REPS1: variants seen among roughly 807,000 people sequenced by gnomAD.
REPS1 encodes ralBP1-associated Eps domain-containing protein 1.
Under a neutral mutation model 100.9 loss-of-function variants are expected in REPS1, and 39 were observed. The observed-to-expected ratio is 0.39, with a 90% CI of 0.30 to 0.50. The LOEUF is 0.50. Among genes scored for constraint, REPS1 ranks in the 20% least tolerant of loss-of-function variants. The pLI is 0.86. For synonymous variants in REPS1, 324 were observed against 340.3 expected (o/e 0.95, Z 0.53); for missense variants, 821 against 968.5 (o/e 0.85, Z 2.02).
intron 1 of REPS1, among the ~76,000 whole-genome samples, chr6:138,978,847 C>A (rs1352069057): frequency 6.6e-6 from 1 of 152,182 alleles, no homozygotes; most frequent in Non-Finnish European, 1.5e-5. Flanking sequence ...TATATTCCTA[C>A]TTGCGTCTGT....
rs374980867 is a variant in REPS1 at position 138,904,935 on chromosome 6, T to C, written c.*129A>G. The C allele has an allele frequency of 1.5e-4, 102 of 692,236 alleles. No individual in the cohort carries two copies. The highest frequency in any genetic ancestry group is 9.8e-4 in the East Asian group (35 of 35,642). 42.9% of individuals were successfully genotyped at this position (692,236 alleles called of 1,614,324 possible). ...AGATACTTAAATACAACGGTGAACA[T>C]ATAGGGCAAAACAGAATCATAAAAT... is the stretch of plus-strand genomic sequence containing the variant. On this transcript the variant is annotated 3_prime_UTR_variant, in exon 20 of 20. Coordinates refer to ENST00000450536, the MANE Select transcript of REPS1 (RefSeq NM_001286611.2).
intron 1 of REPS1, among the ~76,000 whole-genome samples, chr6:138,984,613 T>C (rs1194735698): frequency 1.3e-5 from 2 of 152,184 alleles, no homozygotes; most frequent in Non-Finnish European, 2.9e-5. Context: ...CTCTTCCCCA[T>C]TGTCACCTTC....
intron 18 of REPS1, 41 bp downstream of exon 18, chr6:138,908,627 C>G (rs781499751): frequency 6.2e-7 from 1 of 1,604,806 alleles, no homozygotes; most frequent in South Asian, 1.1e-5. Flanking sequence ...CGTGCTTTTT[C>G]TTCCTAGTAA....
chr6:138,920,920 T>C lies in REPS1; in HGVS notation c.1426+117A>G, dbSNP rs1250122471. ...TAAATATGCATGAACATATACATAA[T>C]TGTAGAAAGTACTAGCTTAAAAAAT... On this transcript the variant is annotated intron_variant, in intron 11 of 19. Coordinates refer to ENST00000450536, the MANE Select transcript of REPS1 (RefSeq NM_001286611.2). The C allele has an allele frequency of 1.3e-5, 9 of 704,304 alleles. No homozygotes were observed. The Admixed American group carries it at 1.7e-4, about 13-fold the overall frequency. 43.6% of individuals were successfully genotyped at this position (704,304 alleles called of 1,614,324 possible).
At chr6:138,917,455 T>G (rs567065912) in intron 13 of REPS1, 100 bp downstream of exon 13, 2 of 910,956 alleles carry the variant, frequency 2.2e-6, no homozygotes, top group Non-Finnish European at 3.5e-6. Context: ...ACCTAACAGC[T>G]TTCAGAGAAC....
intron 1 of REPS1, among the ~76,000 whole-genome samples, chr6:138,969,859 A>ATTTTTTTTTTTTTTT (rs56070030): frequency 2.1e-5 from 2 of 94,636 alleles, no homozygotes; most frequent in African/African-American, 8.6e-5. Context: ...GTGAATTGGG[A>ATTTTTTTTTTTTTTT]TTTTTTTTTT....
chr6:138,974,223 A>G (rs754681072), intron 1 of REPS1, among the ~76,000 whole-genome samples: 1 of 152,226 alleles, frequency 6.6e-6, no homozygotes, highest in Non-Finnish European at 1.5e-5. Context: ...ATGCCACAGG[A>G]TAACTAAACC....
At chr6:138,921,230 AT>A in intron 10 of REPS1, 106 bp from the exon 11 acceptor site, 1 of 681,124 alleles carries the variant, frequency 1.5e-6, no homozygotes, top group Non-Finnish European at 2.5e-6. Flanking sequence ...AGGCTTTCCC[AT>A]TTACACTAAG....
Position 138,912,773 on chromosome 6 carries a change from C to T in REPS1, c.1963G>A (p.Val655Ile). Residue 655 changes from valine (V) to isoleucine (I), a missense_variant, in exon 16 of 20, where the codon GTC becomes ATC. Coordinates refer to ENST00000450536, the MANE Select transcript of REPS1 (RefSeq NM_001286611.2). ...AGCCCTCGAAAACTGACCGGCAGGA[C>T]TTCTGGATGTTTCTCGGCTTCATCA... Reference protein sequence around the residue: ...QDDEAEKHPEVLPAEKASDPA... With the variant: ...QDDEAEKHPEILPAEKASDPA... 1 of 1,614,176 alleles carries T rather than the reference C, an allele frequency of 6.2e-7. No homozygotes were observed. The highest frequency in any genetic ancestry group is 1.7e-5 in the Admixed American group (1 of 60,022).
chr6:138,913,009 G>A, intron 15 of REPS1, 59 bp from the exon 16 acceptor site: 2 of 1,419,628 alleles, frequency 1.4e-6, no homozygotes, highest in Non-Finnish European at 1.9e-6. Context: ...GTGTCACAGA[G>A]TCATCTTCTT....
At chr6:138,954,388 A>C (rs1359569558) in intron 1 of REPS1, among the ~76,000 whole-genome samples, 5 of 152,112 alleles carry the variant, frequency 3.3e-5, no homozygotes, top group Admixed American at 2.6e-4. Context: ...TGATTTCATC[A>C]CTATACATTG....
chr6:138,954,090 GAAC>G (rs1475460908), intron 1 of REPS1, among the ~76,000 whole-genome samples: 1 of 151,184 alleles, frequency 6.6e-6, no homozygotes, highest in Non-Finnish European at 1.5e-5. Flanking sequence ...TAAAATCCAG[GAAC>G]AGAAAATTAA....
At chr6:138,939,708 T>C (rs1013732107) in intron 8 of REPS1, among the ~76,000 whole-genome samples, 3 of 152,220 alleles carry the variant, frequency 2.0e-5, no homozygotes, top group African/African-American at 7.2e-5. Flanking sequence ...AAGTGTGAAG[T>C]TACCACATGT....
chr6:138,947,542 T>A (rs1782720559), intron 2 of REPS1, among the ~76,000 whole-genome samples: 1 of 152,166 alleles, frequency 6.6e-6, no homozygotes, highest in Non-Finnish European at 1.5e-5. Context: ...TCTTAAAAAA[T>A]TGCCATTTGA....
At chr6:138,921,311 A>G (rs1216117101) in intron 10 of REPS1, among the ~76,000 whole-genome samples, 187 bp from the exon 11 acceptor site, 3 of 151,838 alleles carry the variant, frequency 2.0e-5, no homozygotes, top group Non-Finnish European at 4.4e-5. Context: ...CTCACTATAT[A>G]TGCCTAGTAT....
At chr6:138,947,035 G>T (rs1262001383) in intron 2 of REPS1, among the ~76,000 whole-genome samples, 12 of 137,638 alleles carry the variant, frequency 8.7e-5, no homozygotes, top group African/African-American at 3.1e-4. Context: ...ATTCCCCCTT[G>T]CTCTCTCTCT....
intron 9 of REPS1, chr6:138,927,475 A>T (rs1781209468): frequency 6.6e-6 from 1 of 152,192 alleles, no homozygotes; most frequent in Admixed American, 6.5e-5. Context: ...AGGAAAAAAC[A>T]TCTACACACA....
intron 1 of REPS1, among the ~76,000 whole-genome samples, chr6:138,961,300 G>A (rs948428637): frequency 1.3e-4 from 20 of 151,990 alleles, no homozygotes; most frequent in South Asian, 2.1e-4. Context: ...GCAGTGGCAC[G>A]ATCTCGGCTC....
At chr6:138,964,748 G>T (rs1042213897) in intron 1 of REPS1, among the ~76,000 whole-genome samples, 1 of 151,428 alleles carries the variant, frequency 6.6e-6, no homozygotes, top group Non-Finnish European at 1.5e-5. Flanking sequence ...AAAAACCCTA[G>T]AAATGTCTTC....
Sources: gnomAD v4.1 joint callset for allele counts (sites outside exome capture counted in the v4.1 genomes callset) on GRCh38, gnomAD v4.1.1 for gene constraint, MANE v1.5 for transcripts, NCBI Gene and HGNC (gene_info 2026-07-23, HGNC 2026-07-21) for gene names.